The following PRDM2 variants were observed in gnomAD, a reference collection of about 807,000 sequenced individuals.
PRDM2 encodes PR domain zinc finger protein 2.
PRDM2 carries 30 observed loss-of-function variants against 130.0 expected under a neutral mutation model. The observed-to-expected ratio is 0.23, with a 90% CI of 0.17 to 0.31. The LOEUF is 0.31. PRDM2 is among the 10% of genes least tolerant of loss of function. The pLI is 1.00. For synonymous variants in PRDM2, 871 were observed against 782.4 expected (o/e 1.11, Z -1.89); for missense variants, 2,011 against 2,108.4 (o/e 0.95, Z 0.90).
chr1:13,812,188 GC>G (rs150558157), intron 8 of PRDM2, among the ~76,000 whole-genome samples: 4,460 of 152,236 alleles, frequency 0.029, 209 homozygotes, highest in African/African-American at 0.1. Flanking sequence ...TGGGGACAGT[GC>G]AGTGGCAATT....
At chr1:13,746,571 T>TA (rs2100523619) in intron 5 of PRDM2, among the ~76,000 whole-genome samples, 1 of 149,308 alleles carries the variant, frequency 6.7e-6, no homozygotes, top group African/African-American at 2.5e-5. Context: ...TTTATTTATT[T>TA]TTTAAGATAG....
chr1:13,739,655 C>A (rs1408277565), intron 4 of PRDM2, among the ~76,000 whole-genome samples: 1 of 152,074 alleles, frequency 6.6e-6, no homozygotes. Context: ...TACAGTAAAC[C>A]ACACTTCTGT....
intron 6 of PRDM2, among the ~76,000 whole-genome samples, chr1:13,768,146 C>T (rs1227911470): frequency 1.4e-5 from 2 of 140,436 alleles, no homozygotes; most frequent in Non-Finnish European, 3.0e-5. Flanking sequence ...GGCGTGATCT[C>T]GGCTCACTGC....
Position 13,782,702 on chromosome 1 carries a change from G to A in PRDM2, c.4907G>A (p.Arg1636Gln), listed in dbSNP as rs200940301. 1,051 of 1,613,852 alleles carry A rather than the reference G, an allele frequency of 6.5e-4. 8 individuals are homozygous for A. The highest frequency in any genetic ancestry group is 1.7e-4 in the Non-Finnish European group (200 of 1,180,022). The part of the protein sequence containing the change: ...STLASKKRTD[R>Q]FNIKSRERSG... ...TTGGCGAGTAAGAAAAGAACAGACC[G>A]GTTCAATATAAAATCTAGAGAGCGG... Residue 1636 changes from arginine (R) to glutamine (Q), a missense_variant, in exon 8 of 10, where the codon CGG becomes CAG. Arg to Gln is a conservative substitution (Grantham distance 43). This residue lies in a region of PRDM2 where 410 missense variants were observed against 395.9 expected (regional missense o/e 1.04). Coordinates refer to ENST00000311066, the MANE Select transcript of PRDM2 (RefSeq NM_001393986.1).
At chr1:13,715,305 TG>T (rs1180295058) in intron 1 of PRDM2, among the ~76,000 whole-genome samples, 1 of 152,246 alleles carries the variant, frequency 6.6e-6, no homozygotes, top group East Asian at 1.9e-4. Context: ...GTCCTCCTAA[TG>T]AGTCCGCTTT....
At chr1:13,761,435 T>C (rs550733889) in intron 6 of PRDM2, among the ~76,000 whole-genome samples, 153 of 152,274 alleles carry the variant, frequency 1.0e-3, no homozygotes, top group African/African-American at 3.5e-3. Flanking sequence ...ACGATACCAG[T>C]TTTCCGGGAA....
chr1:13,816,358 C>A lies in PRDM2; in HGVS notation c.5037-69C>A, dbSNP rs1389693340. ...AGTGGTGACCAGCACTAAGGAAGCC[C>A]CCCCAGCAATGTCTAGGGCACCGGG... On this transcript the variant is annotated intron_variant, in intron 8 of 9. Transcript: ENST00000311066. 8 of 1,578,230 alleles carry A rather than the reference C, an allele frequency of 5.1e-6. No homozygotes were observed. The Admixed American group carries it at 1.4e-4, about 27-fold the overall frequency.
chr1:13,797,877 T>C (rs1411667135), intron 8 of PRDM2, among the ~76,000 whole-genome samples: 2 of 152,226 alleles, frequency 1.3e-5, no homozygotes, highest in Admixed American at 6.5e-5. Flanking sequence ...TTTAATGACA[T>C]GGTATCACTC....
At chr1:13,716,896 C>T (rs1642558610) in intron 2 of PRDM2, among the ~76,000 whole-genome samples, 1 of 151,990 alleles carries the variant, frequency 6.6e-6, no homozygotes, top group South Asian at 2.1e-4. Context: ...AACTCTCAGA[C>T]TTGAAAACAT....
intron 2 of PRDM2, among the ~76,000 whole-genome samples, chr1:13,718,988 T>C (rs1454073153): frequency 6.6e-6 from 1 of 152,194 alleles, no homozygotes; most frequent in Non-Finnish European, 1.5e-5. Context: ...CAGCATGTTA[T>C]GGGTTCTGCA....
At chr1:13,789,165 C>T (rs556493809) in intron 8 of PRDM2, among the ~76,000 whole-genome samples, 1 of 152,268 alleles carries the variant, frequency 6.6e-6, no homozygotes, top group Non-Finnish European at 1.5e-5. Flanking sequence ...AGAAGCTGCC[C>T]TGTTTGGGTT....
intron 5 of PRDM2, among the ~76,000 whole-genome samples, chr1:13,745,127 C>T (rs1367825593): frequency 6.6e-6 from 1 of 152,192 alleles, no homozygotes; most frequent in Admixed American, 6.5e-5. Context: ...ACAGGACAGA[C>T]AAGGTCTCTG....
intron 2 of PRDM2, among the ~76,000 whole-genome samples, chr1:13,718,097 C>T (rs1642603315): frequency 6.6e-6 from 1 of 152,096 alleles, no homozygotes; most frequent in Non-Finnish European, 1.5e-5. Flanking sequence ...CATTTTCAGA[C>T]AGTGAAAATG....
intron 8 of PRDM2, among the ~76,000 whole-genome samples, chr1:13,809,175 A>G (rs1389568717): frequency 6.6e-6 from 1 of 152,210 alleles, no homozygotes; most frequent in Non-Finnish European, 1.5e-5. Flanking sequence ...GTATCAAGGA[A>G]CTTGGACTGC....
Position 13,731,109 on chromosome 1 carries a change from C to A in PRDM2, c.119C>A (p.Thr40Asn). ...VRLFPSAVDK[T>N]RIGVWATKPI... ...CTTTTCCCTTCTGCTGTTGACAAGA[C>A]CCGGATTGGTGAGTGCTCCTCCTGT... is the stretch of plus-strand genomic sequence containing the variant. The change falls in exon 3 of 10, where the codon ACC becomes AAC. Residue 40 changes from threonine (T) to asparagine (N), a missense_variant. Thr to Asn is a moderately conservative substitution (Grantham distance 65). Around this residue, in one of 5 missense-constraint regions of PRDM2, gnomAD observed 79 missense variants for 93.6 expected, o/e 0.84. Coordinates refer to ENST00000311066, the MANE Select transcript of PRDM2 (RefSeq NM_001393986.1). 1 of 1,612,530 alleles carries A rather than the reference C, an allele frequency of 6.2e-7. No individual in the cohort carries two copies. Among genetic ancestry groups the A allele is most frequent in the Non-Finnish European group, 8.5e-7 (1 of 1,179,448 alleles).
chr1:13,702,130 T>C (rs1312010469), intron 1 of PRDM2, among the ~76,000 whole-genome samples: 1 of 152,178 alleles, frequency 6.6e-6, no homozygotes, highest in East Asian at 1.9e-4. Flanking sequence ...CTGTCTCTCT[T>C]GGTGTGGATA....
chr1:13,823,338 G>A lies in PRDM2; in HGVS notation c.*203G>A, dbSNP rs1400556153. 5.6e-6 allele frequency: 5 copies of A among 898,806 alleles called. No individual in the cohort carries two copies. Among genetic ancestry groups the A allele is most frequent in the Non-Finnish European group, 7.0e-6 (4 of 567,478 alleles). The allele number at this position is 898,806 out of a possible 1,614,324, so 55.7% of individuals were successfully genotyped here. The stretch of plus-strand genomic sequence containing the variant: ...GCGGGCGCGTGAGTGGTCTTCAAAC[G>A]AGGGTCCCGATCCCCGGGGCGGCAG... On this transcript the variant is annotated 3_prime_UTR_variant, in exon 10 of 10. Coordinates refer to ENST00000311066, the MANE Select transcript of PRDM2 (RefSeq NM_001393986.1).
chr1:13,756,907 AG>A (rs1643969299), intron 6 of PRDM2, among the ~76,000 whole-genome samples: 1 of 152,218 alleles, frequency 6.6e-6, no homozygotes, highest in Non-Finnish European at 1.5e-5. Context: ...TGATGCTCCG[AG>A]GGGTTATGTG....
intron 2 of PRDM2, among the ~76,000 whole-genome samples, chr1:13,721,193 G>T (rs1642716895): frequency 6.6e-6 from 1 of 152,122 alleles, no homozygotes; most frequent in Non-Finnish European, 1.5e-5. Context: ...TGTATCAGTA[G>T]TTCATTTCTT....
Sources: gnomAD v4.1 joint callset for allele counts (sites outside exome capture counted in the v4.1 genomes callset) on GRCh38, gnomAD v4.1.1 for gene constraint, gnomAD v4.1.1 regional missense constraint, MANE v1.5 for transcripts, NCBI Gene and HGNC (gene_info 2026-07-23, HGNC 2026-07-21) for gene names.